FAM20B: variants seen among roughly 807,000 people sequenced by gnomAD.
The protein encoded by FAM20B is glycosaminoglycan xylosylkinase.
FAM20B carries 23 observed loss-of-function variants against 43.8 expected under a neutral mutation model. That is an observed-to-expected ratio of 0.53 (90% CI 0.38 to 0.74). FAM20B has a LOEUF of 0.74. FAM20B is among the 30% of genes least tolerant of loss of function. The pLI is 0.00. For synonymous variants in FAM20B, 178 were observed against 192.4 expected (o/e 0.93, Z 0.62); for missense variants, 440 against 510.5 (o/e 0.86, Z 1.33).
In FAM20B at chr1:179,075,066, C is replaced by T. The variant is rs997527778; in HGVS notation, c.*2922C>T. On this transcript the variant is annotated 3_prime_UTR_variant, in exon 8 of 8. Coordinates refer to ENST00000263733, the MANE Select transcript of FAM20B (RefSeq NM_014864.4). The stretch of plus-strand genomic sequence containing the variant: ...AATTAACAGGGCACGGTGGCATGCG[C>T]CTGTAGTCCCAGCTACTCGGGAGGC... 1 of 152,108 alleles carries T rather than the reference C, an allele frequency of 6.6e-6. No individual in the cohort carries two copies. Among genetic ancestry groups the T allele is most frequent in the East Asian group, 1.9e-4 (1 of 5,168 alleles). The allele number at this position is 152,108 out of a possible 1,614,324, so 9.4% of individuals were successfully genotyped here.
intron 2 of FAM20B, among the ~76,000 whole-genome samples, chr1:179,048,078 T>C (rs1650855276): frequency 6.6e-6 from 1 of 152,150 alleles, no homozygotes; most frequent in Non-Finnish European, 1.5e-5. Context: ...CCTTACATTA[T>C]AAGTAAAGGT....
At chr1:179,042,035 A>C (rs1019444731) in intron 1 of FAM20B, among the ~76,000 whole-genome samples, 5 of 152,076 alleles carry the variant, frequency 3.3e-5, no homozygotes, top group African/African-American at 1.2e-4. Context: ...TTTTCAGTGT[A>C]TGTGGTTCTT....
At chr1:179,066,961 A>G in intron 7 of FAM20B, 102 bp downstream of exon 7, 1 of 805,676 alleles carries the variant, frequency 1.2e-6, no homozygotes, top group Non-Finnish European at 2.1e-6. Flanking sequence ...CTGATACCTG[A>G]GCAGTGCTTT....
rs1200794108 is a variant in FAM20B at position 179,075,613 on chromosome 1, C to T, written c.*3469C>T. The T allele has an allele frequency of 6.6e-6, 1 of 152,496 alleles. No homozygotes were observed. The highest frequency in any genetic ancestry group is 1.5e-5 in the Non-Finnish European group (1 of 68,022). 9.4% of individuals were successfully genotyped at this position (152,496 alleles called of 1,614,324 possible). On this transcript the variant is annotated 3_prime_UTR_variant, in exon 8 of 8. Coordinates refer to ENST00000263733, the MANE Select transcript of FAM20B (RefSeq NM_014864.4). ...AATAAGGCATTGCCCCCTGTTTGCA[C>T]TCAGGGTTAATATGTCAAATGAAAT...
At position 179,075,885 on chromosome 1, in the gene FAM20B, T is replaced by A. The variant is rs1652109990; in HGVS notation, c.*3741T>A. On this transcript the variant is annotated 3_prime_UTR_variant, in exon 8 of 8. Transcript: ENST00000263733. The stretch of plus-strand genomic sequence containing the variant: ...CCAGTAAATGACCACACCTCAATGA[T>A]GGTAAAACAGCATCATCAGTAAGCT... The A allele has an allele frequency of 6.6e-6, 1 of 152,158 alleles. No individual in the cohort carries two copies. Among genetic ancestry groups the A allele is most frequent in the Non-Finnish European group, 1.5e-5 (1 of 68,022 alleles). The allele number at this position is 152,158 out of a possible 1,614,324, so 9.4% of individuals were successfully genotyped here. A position where few individuals can be genotyped will look rare whatever the true frequency, so the allele number is the denominator to read the frequency against.
At chr1:179,026,986 A>G (rs1649817382) in intron 1 of FAM20B, among the ~76,000 whole-genome samples, 3 of 152,210 alleles carry the variant, frequency 2.0e-5, no homozygotes, top group African/African-American at 4.8e-5. Flanking sequence ...TAAAGACCAT[A>G]CCATCATTGG....
rs1162593632 is a variant in FAM20B, at chr1:179,074,567, C to T, written c.*2423C>T. 1.3e-5 allele frequency: 2 copies of T among 152,132 alleles called. No individual in the cohort carries two copies. The highest frequency in any genetic ancestry group is 4.8e-5 in the African/African-American group (2 of 41,442). The allele number at this position is 152,132 out of a possible 1,614,324, so 9.4% of individuals were successfully genotyped here. A position where few individuals can be genotyped will look rare whatever the true frequency, so the allele number is the denominator to read the frequency against. ...AGATTCTGCTAAGGAAAAAAGCAGG[C>T]AGGAAAGAAAATGTCTCATCCTTTC... On this transcript the variant is annotated 3_prime_UTR_variant, in exon 8 of 8. Transcript: ENST00000263733.
chr1:179,044,320 C>G (rs1340684488), intron 2 of FAM20B, 96 bp downstream of exon 2: 9 of 1,389,194 alleles, frequency 6.5e-6, no homozygotes, highest in Non-Finnish European at 8.7e-6. Flanking sequence ...TCTTGGAAGT[C>G]TCTTCAGTAA....
intron 1 of FAM20B, among the ~76,000 whole-genome samples, chr1:179,040,482 C>T (rs1393587746): frequency 6.8e-6 from 1 of 147,266 alleles, no homozygotes; most frequent in African/African-American, 2.5e-5. Flanking sequence ...GCTAGCCGGG[C>T]GGGGGGCTGA....
Position 179,071,864 on chromosome 1 carries a change from T to C in FAM20B, c.999-49T>C, listed in dbSNP as rs1223005859. On this transcript the variant is annotated intron_variant, in intron 7 of 7. Transcript: ENST00000263733. Reference sequence around the variant, plus strand: ...CTGCCTAGCAGGCTTTCAACTCCGTTTGATAATGAGAAGTTTTATGTACCT... The same window carrying C: ...CTGCCTAGCAGGCTTTCAACTCCGTCTGATAATGAGAAGTTTTATGTACCT... 8 of 1,321,188 alleles carry C rather than the reference T, an allele frequency of 6.1e-6. No homozygotes were observed. The South Asian group carries it at 9.7e-5, about 16-fold the overall frequency. The allele number at this position is 1,321,188 out of a possible 1,614,324, so 81.8% of individuals were successfully genotyped here.
chr1:179,066,750 A>G, intron 6 of FAM20B, 50 bp from the exon 7 acceptor site: 1 of 1,255,098 alleles, frequency 8.0e-7, no homozygotes, highest in Non-Finnish European at 1.2e-6. Context: ...TGATGCTAAG[A>G]AGAGAACAGT....
At chr1:179,020,404 G>A in the FAM20B span, among the ~76,000 whole-genome samples, 1 of 152,202 alleles carries the variant, frequency 6.6e-6, no homozygotes, top group South Asian at 2.1e-4. Context: ...ACAGGGCACT[G>A]GCTTTCTTCC....
Position 179,071,914 on chromosome 1 carries a change from A to T in FAM20B, c.1000A>T (p.Ile334Phe), listed in dbSNP as rs1651939438. The part of the protein sequence containing the change: ...ILAPLYQCCI[I>F]RVSTWNRLNY... ...TTGTTCTATAACTTTTTCTCCCAGC[A>T]TTCGGGTGTCCACCTGGAACAGACT... The change falls in exon 8 of 8, where the codon ATT (isoleucine) becomes TTT (phenylalanine). Residue 334 changes from isoleucine to phenylalanine, a missense_variant and splice_region_variant. Coordinates refer to ENST00000263733, the MANE Select transcript of FAM20B (RefSeq NM_014864.4). 6.2e-7 allele frequency: 1 copy of T among 1,610,486 alleles called. No individual in the cohort carries two copies.
intron 4 of FAM20B, 96 bp downstream of exon 4, chr1:179,054,734 A>T: frequency 1.4e-6 from 1 of 711,512 alleles, no homozygotes; most frequent in Non-Finnish European, 2.4e-6. Flanking sequence ...TTAGGAATTG[A>T]AGAACTCAGT....
Position 179,067,632 on chromosome 1 carries a change from G to T in FAM20B, c.998+773G>T, listed in dbSNP as rs532583072. ...AAAAATAAATAATAAATAATAATTG[G>T]TTTTTTTAAAAAAACTCTGTATTAG... On this transcript the variant is annotated intron_variant, in intron 7 of 7. Coordinates refer to ENST00000263733, the MANE Select transcript of FAM20B (RefSeq NM_014864.4). Among the ~76,000 whole-genome samples the T allele has an allele frequency of 1.6e-3, 239 of 151,780 alleles. 3 individuals carry two copies. Among genetic ancestry groups the T allele is most frequent in the African/African-American group, 5.3e-3 (221 of 41,380 alleles).
intron 7 of FAM20B, among the ~76,000 whole-genome samples, chr1:179,067,566 TGC>T (rs1338276136): frequency 6.6e-6 from 1 of 152,072 alleles, no homozygotes; most frequent in East Asian, 1.9e-4. Context: ...ATTGTGCCAT[TGC>T]ACTCCATTCT....
chr1:179,027,590 ACTTATCAAAG>A (rs1649839243), intron 1 of FAM20B, among the ~76,000 whole-genome samples: 1 of 152,230 alleles, frequency 6.6e-6, no homozygotes, highest in Admixed American at 6.5e-5. Flanking sequence ...ATTTGAAATT[ACTTATCAAAG>A]GAGAATACAA....
intron 2 of FAM20B, among the ~76,000 whole-genome samples, chr1:179,046,603 G>A (rs1284761916): frequency 2.6e-5 from 4 of 152,156 alleles, no homozygotes; most frequent in African/African-American, 4.8e-5. Context: ...GGTGAGCTGA[G>A]ATTGCACCAT....
intron 1 of FAM20B, among the ~76,000 whole-genome samples, chr1:179,042,013 T>C (rs1397861655): frequency 6.6e-6 from 1 of 152,148 alleles, no homozygotes; most frequent in Non-Finnish European, 1.5e-5. Flanking sequence ...AATAGAAATA[T>C]TTGCTTTAAA....
Sources: allele counts gnomAD v4.1 joint callset (sites outside exome capture counted in the v4.1 genomes callset), GRCh38; gene constraint gnomAD v4.1.1; transcripts MANE v1.5; gene names NCBI Gene and HGNC (gene_info 2026-07-23, HGNC 2026-07-21).